SPOCK3: variants seen among roughly 807,000 people sequenced by gnomAD.
The protein encoded by SPOCK3 is testican-3.
In SPOCK3, 30 loss-of-function variants were observed where a neutral mutation model predicts 56.6. The observed-to-expected ratio is 0.53, with a 90% CI of 0.40 to 0.72. SPOCK3 has a LOEUF of 0.72. Among genes scored for constraint, SPOCK3 ranks in the 30% least tolerant of loss-of-function variants. The pLI, the probability that SPOCK3 is intolerant of heterozygous loss-of-function variation, is 0.00. For synonymous variants in SPOCK3, 196 were observed against 183.3 expected, an observed-to-expected ratio of 1.07 and a Z score of -0.56; for missense variants, 527 against 530.0, an observed-to-expected ratio of 0.99 and a Z score of 0.06.
chr4:166,837,041 T>C (rs1232134994), intron 6 of SPOCK3, among the ~76,000 whole-genome samples: 1 of 152,214 alleles, frequency 6.6e-6, no homozygotes. Context: ...CTATACCTGT[T>C]GCAATGGCAC....
chr4:167,160,009 C>G (rs1395545199), intron 2 of SPOCK3, among the ~76,000 whole-genome samples: 1 of 152,120 alleles, frequency 6.6e-6, no homozygotes, highest in Non-Finnish European at 1.5e-5. Context: ...CTCACCACTC[C>G]TATTCAACAT....
chr4:167,202,644 A>G (rs1733629547), intron 2 of SPOCK3, among the ~76,000 whole-genome samples: 2 of 150,518 alleles, frequency 1.3e-5, no homozygotes, highest in South Asian at 4.1e-4. Context: ...CATGTTGCCA[A>G]TCTCAACTGT....
chr4:167,175,236 A>C (rs1011903982), intron 2 of SPOCK3, among the ~76,000 whole-genome samples: 1 of 152,122 alleles, frequency 6.6e-6, no homozygotes, highest in African/African-American at 2.4e-5. Context: ...GTTGTATCCC[A>C]GTGGTAGAAT....
At chr4:167,005,210 T>C (rs1048511084) in intron 3 of SPOCK3, among the ~76,000 whole-genome samples, 2 of 152,008 alleles carry the variant, frequency 1.3e-5, no homozygotes, top group Admixed American at 6.5e-5. Flanking sequence ...TTCTTTTTTT[T>C]CTTTATTCTT....
intron 6 of SPOCK3, among the ~76,000 whole-genome samples, chr4:166,832,568 A>G (rs1336556028): frequency 6.6e-6 from 1 of 152,308 alleles, no homozygotes; most frequent in East Asian, 1.9e-4. Flanking sequence ...AGTGGTATAT[A>G]TTCAAAAGAA....
chr4:167,202,094 T>A (rs1733570684), intron 2 of SPOCK3, among the ~76,000 whole-genome samples: 4 of 152,004 alleles, frequency 2.6e-5, no homozygotes. Flanking sequence ...AATGTTGTTT[T>A]ATAATTTTAA....
intron 2 of SPOCK3, among the ~76,000 whole-genome samples, chr4:167,112,061 C>G (rs1195695033): frequency 6.6e-6 from 1 of 152,004 alleles, no homozygotes; most frequent in African/African-American, 2.4e-5. Context: ...CCCCCAGCCT[C>G]GAAGTAACTT....
intron 8 of SPOCK3, among the ~76,000 whole-genome samples, chr4:166,742,374 T>A (rs898851152): frequency 6.6e-6 from 1 of 152,178 alleles, no homozygotes; most frequent in Non-Finnish European, 1.5e-5. Flanking sequence ...GATTGGATTT[T>A]TTAAAAGTAT....
At chr4:166,854,265 A>G (rs547226706) in intron 6 of SPOCK3, among the ~76,000 whole-genome samples, 2 of 152,302 alleles carry the variant, frequency 1.3e-5, no homozygotes, top group South Asian at 4.1e-4. Flanking sequence ...GGATTCTGAT[A>G]TTCATTTTGT....
At chr4:166,958,335 G>T (rs1743747301) in intron 4 of SPOCK3, among the ~76,000 whole-genome samples, 1 of 152,070 alleles carries the variant, frequency 6.6e-6, no homozygotes. Flanking sequence ...ACCCCACTGT[G>T]CTTCCCTTAC....
chr4:167,104,867 T>C (rs917731822), intron 2 of SPOCK3, among the ~76,000 whole-genome samples: 2 of 149,040 alleles, frequency 1.3e-5, no homozygotes, highest in Non-Finnish European at 3.0e-5. Context: ...AGACACACAA[T>C]TGGGCTCCAA....
chr4:166,964,167 C>G (rs1744453148), intron 4 of SPOCK3, among the ~76,000 whole-genome samples: 1 of 151,118 alleles, frequency 6.6e-6, no homozygotes, highest in African/African-American at 2.4e-5. Flanking sequence ...ATAAACAGTC[C>G]TGTATTTTAA....
intron 2 of SPOCK3, among the ~76,000 whole-genome samples, chr4:167,113,605 G>C (rs1761091615): frequency 3.3e-5 from 5 of 151,956 alleles, no homozygotes; most frequent in Admixed American, 3.3e-4. Flanking sequence ...GGTCTATTAA[G>C]GGAGAAGTTG....
chr4:166,980,489 C>T (rs1203175152), intron 4 of SPOCK3, among the ~76,000 whole-genome samples: 2 of 152,196 alleles, frequency 1.3e-5, no homozygotes, highest in Non-Finnish European at 2.9e-5. Context: ...TTTGCTTGGG[C>T]CCACTGGGCT....
chr4:167,192,830 AT>A lies in SPOCK3; in HGVS notation c.189+41154del, dbSNP rs1466394708. ...TTCATTTGTTTCAAGATACTTTTTT[AT>A]TTCTCTCTTGATTTCTTCTTTGACC... On this transcript the variant is annotated intron_variant, in intron 2 of 10. Coordinates refer to ENST00000357545, the MANE Select transcript of SPOCK3 (RefSeq NM_001040159.2). 1.6e-4 allele frequency among the ~76,000 whole-genome samples: 23 copies of A among 144,204 alleles called. 1 individual carries two copies. The highest frequency in any genetic ancestry group is 3.3e-4 in the Non-Finnish European group (22 of 66,392). 94.6% of individuals were successfully genotyped at this position (144,204 alleles called of 152,430 possible).
chr4:167,132,819 G>A (rs969437089), intron 2 of SPOCK3, among the ~76,000 whole-genome samples: 2 of 152,108 alleles, frequency 1.3e-5, no homozygotes, highest in African/African-American at 4.8e-5. Context: ...TTCTGCATGT[G>A]TCTCATCTGT....
chr4:167,200,079 A>C (rs982469008), intron 2 of SPOCK3, among the ~76,000 whole-genome samples: 2 of 152,104 alleles, frequency 1.3e-5, no homozygotes, highest in Admixed American at 1.3e-4. Context: ...CAGAAGGGAA[A>C]CTCAGCAGCA....
rs145681586 is a variant in SPOCK3 at position 167,143,156 on chromosome 4, G to A, written c.190-80619C>T. Among the ~76,000 whole-genome samples the A allele has an allele frequency of 1.4e-4, 21 of 152,062 alleles. No individual in the cohort carries two copies. The East Asian group carries it at 3.7e-3, about 27-fold the overall frequency. ...TAAAACTGTGTGCATACGCTACTCA[G>A]ATAACTTAACAATTAATGCATAAAA... is the stretch of plus-strand genomic sequence containing the variant. On this transcript the variant is annotated intron_variant, in intron 2 of 10. Transcript: ENST00000357545.
intron 2 of SPOCK3, among the ~76,000 whole-genome samples, chr4:167,194,384 A>G (rs905323144): frequency 6.6e-6 from 1 of 152,172 alleles, no homozygotes; most frequent in African/African-American, 2.4e-5. Flanking sequence ...ATTCTTTAAG[A>G]TGAATTTCTT....
Sources: allele counts gnomAD v4.1 joint callset (sites outside exome capture counted in the v4.1 genomes callset), GRCh38; gene constraint gnomAD v4.1.1; transcripts MANE v1.5; gene names NCBI Gene and HGNC (gene_info 2026-07-23, HGNC 2026-07-21).